Variants in NSL1 observed in about 807,000 individuals in gnomAD.
NSL1 encodes the protein NSL1 component of MIS12 kinetochore complex.
Under a neutral mutation model 25.4 loss-of-function variants are expected in NSL1, and 11 were observed. That is an observed-to-expected ratio of 0.43 (90% confidence interval 0.27 to 0.72). The LOEUF is 0.72. Ranked by LOEUF, NSL1 falls within the 30% of genes least tolerant of loss-of-function variation. The pLI, the probability that NSL1 is intolerant of heterozygous loss-of-function variation, is 0.19. For missense variants in NSL1, 330 were observed against 342.7 expected, an observed-to-expected ratio of 0.96 and a Z score of 0.29; for synonymous variants, 118 against 120.6, an observed-to-expected ratio of 0.98 and a Z score of 0.14.
intron 4 of NSL1, among the ~76,000 whole-genome samples, chr1:212,759,052 C>A (rs945974909): frequency 1.3e-5 from 2 of 152,060 alleles, no homozygotes; most frequent in East Asian, 3.8e-4. Context: ...GTGCTTAAAA[C>A]AACTGGATAT....
chr1:212,760,125 C>A lies in NSL1; in HGVS notation c.500-20524G>T, dbSNP rs930837721. ...CCAGGGCCTGGGGATTGACCTGCCC[C>A]GCCAGCTGCTTCTGGGGCACACACA... On this transcript the variant is annotated intron_variant, in intron 4 of 5. Transcript: ENST00000366977. This position sits in a 1 kb window ranked among gnomAD's most constrained non-coding sequence, Gnocchi z 4.3. Among the ~76,000 whole-genome samples the A allele has an allele frequency of 1.3e-5, 2 of 151,908 alleles. No homozygotes were observed. The highest frequency in any genetic ancestry group is 2.9e-5 in the Non-Finnish European group (2 of 67,972).
chr1:212,754,086 G>A (rs896981827), intron 4 of NSL1, among the ~76,000 whole-genome samples: 1 of 152,284 alleles, frequency 6.6e-6, no homozygotes, highest in Non-Finnish European at 1.5e-5. Flanking sequence ...AATGCTAAAA[G>A]TCTAGAGTTT....
chr1:212,732,622 C>T lies in NSL1; in HGVS notation c.*5786G>A, dbSNP rs1408316434. 1 of 985,272 alleles carries T rather than the reference C, an allele frequency of 1.0e-6. No homozygotes were observed. The highest frequency in any genetic ancestry group is 6.2e-5 in the Admixed American group (1 of 16,252). 61.0% of individuals were successfully genotyped at this position (985,272 alleles called of 1,614,324 possible). A position where few individuals can be genotyped will look rare whatever the true frequency, so the allele number is the denominator to read the frequency against. ...ATAGTCTTATTCCAACCTGGTCTGC[C>T]TAGTCTCCAAATCTGCTGATTAGTT... On this transcript the variant is annotated 3_prime_UTR_variant, in exon 6 of 6. Coordinates refer to ENST00000366977, the MANE Select transcript of NSL1 (RefSeq NM_015471.4).
Position 212,732,440 on chromosome 1 carries a change from G to A in NSL1, c.*5968C>T, listed in dbSNP as rs946159434. On this transcript the variant is annotated 3_prime_UTR_variant, in exon 6 of 6. Transcript: ENST00000366977. The stretch of plus-strand genomic sequence containing the variant: ...CGATTCTCCAGCCTCAGCCTCCTGA[G>A]TAGCTGGGATTACAGGCATGCGCCA... 6 of 382,446 alleles carry A rather than the reference G, an allele frequency of 1.6e-5. No homozygotes were observed. The highest frequency in any genetic ancestry group is 1.3e-4 in the African/African-American group (6 of 45,520). 23.7% of individuals were successfully genotyped at this position (382,446 alleles called of 1,614,324 possible). A position where few individuals can be genotyped will look rare whatever the true frequency, so the allele number is the denominator to read the frequency against.
chr1:212,785,090 G>A (rs1396716106), intron 2 of NSL1, among the ~76,000 whole-genome samples: 3 of 152,146 alleles, frequency 2.0e-5, no homozygotes, highest in Non-Finnish European at 4.4e-5. Context: ...GCTGTAAAGG[G>A]TATTTAATAT....
intron 4 of NSL1, among the ~76,000 whole-genome samples, chr1:212,778,474 A>G (rs918420866): frequency 6.6e-6 from 1 of 152,132 alleles, no homozygotes; most frequent in Non-Finnish European, 1.5e-5. Flanking sequence ...TACTGCTGCC[A>G]TCTCGGCTCA....
chr1:212,761,450 A>G lies in NSL1; in HGVS notation c.499+20922T>C, dbSNP rs137924383. Among the ~76,000 whole-genome samples, 563 of 152,224 alleles carry G rather than the reference A, an allele frequency of 3.7e-3. 2 individuals are homozygous for G. Among genetic ancestry groups the G allele is most frequent in the African/African-American group, 0.013 (541 of 41,540 alleles). ...AACCCAGGAGTTTGGGGCCAGCCTT[A>G]GCAACACGGCAAAACCTTGCCTTTA... On this transcript the variant is annotated intron_variant, in intron 4 of 5. Coordinates refer to ENST00000366977, the MANE Select transcript of NSL1 (RefSeq NM_015471.4).
intron 4 of NSL1, among the ~76,000 whole-genome samples, chr1:212,763,527 G>A (rs772700474): frequency 2.0e-5 from 3 of 152,158 alleles, no homozygotes; most frequent in Non-Finnish European, 2.9e-5. Flanking sequence ...AGTATCTGCT[G>A]TCATCAAGAG....
chr1:212,782,468 C>T, intron 3 of NSL1, 42 bp from the exon 4 acceptor site: 2 of 1,330,538 alleles, frequency 1.5e-6, no homozygotes, highest in Non-Finnish European at 2.2e-6. Context: ...TCACTTAATG[C>T]TTCATATAAA....
rs988001572 is a variant in NSL1 at position 212,732,730 on chromosome 1, T to G, written c.*5678A>C. ...TGGCTGCTGCTTTTTTGGTTTACCC[T>G]TTGGAATAGAGCACAGCCCCTGGTA... On this transcript the variant is annotated 3_prime_UTR_variant, in exon 6 of 6. Transcript: ENST00000366977. The G allele has an allele frequency of 3.5e-6, 3 of 868,988 alleles. No individual in the cohort carries two copies. The highest frequency in any genetic ancestry group is 3.6e-5 in the African/African-American group (2 of 54,944). 53.8% of individuals were successfully genotyped at this position (868,988 alleles called of 1,614,324 possible). A position where few individuals can be genotyped will look rare whatever the true frequency, so the allele number is the denominator to read the frequency against.
chr1:212,768,440 CAT>C (rs757794503), intron 4 of NSL1, among the ~76,000 whole-genome samples: 34 of 151,768 alleles, frequency 2.2e-4, no homozygotes, highest in East Asian at 1.7e-3. Context: ...CATGCACACA[CAT>C]GTTTATAACA....
rs58411510 is a variant in NSL1, at chr1:212,772,874, C to G, written c.499+9498G>C. On this transcript the variant is annotated intron_variant, in intron 4 of 5. Coordinates refer to ENST00000366977, the MANE Select transcript of NSL1 (RefSeq NM_015471.4). ...AAAGACATGGACCAGTGGAACAGAA[C>G]AGATGCATGGAAATCTAGGTATTTA... is the stretch of plus-strand genomic sequence containing the variant. Among the ~76,000 whole-genome samples, 782 of 152,142 alleles carry G rather than the reference C, an allele frequency of 5.1e-3. 5 individuals carry two copies. Among genetic ancestry groups the G allele is most frequent in the African/African-American group, 0.018 (745 of 41,498 alleles).
Position 212,791,582 on chromosome 1 carries a change from C to G in NSL1, c.182G>C (p.Gly61Ala), listed in dbSNP as rs549228717. Residue 61 changes from glycine to alanine, a missense_variant, in exon 1 of 6, where the codon GGG (glycine) becomes GCG (alanine). Transcript: ENST00000366977. ...CCGAATCTCCTCCGGCAGAGCGTCC[C>G]CGAGCTTTTGCACGAAGCGGCCGCA... ...QLCGRFVQKL[G>A]DALPEEIREP... 4 of 1,613,920 alleles carry G rather than the reference C, an allele frequency of 2.5e-6. No individual in the cohort carries two copies. The East Asian group carries it at 8.9e-5, about 36-fold the overall frequency.
chr1:212,766,519 C>A (rs941621765), intron 4 of NSL1, among the ~76,000 whole-genome samples: 1 of 151,674 alleles, frequency 6.6e-6, no homozygotes, highest in African/African-American at 2.4e-5. Context: ...GTGGCAGGCG[C>A]CTGTAGTCCC....
At chr1:212,743,433 GAT>G (rs1241572230) in intron 4 of NSL1, among the ~76,000 whole-genome samples, 1 of 150,568 alleles carries the variant, frequency 6.6e-6, no homozygotes, top group Non-Finnish European at 1.5e-5. Flanking sequence ...AAAGTGCTGG[GAT>G]TACAGCCATG....
At chr1:212,752,631 GACC>G (rs1341756944) in intron 4 of NSL1, among the ~76,000 whole-genome samples, 1 of 152,152 alleles carries the variant, frequency 6.6e-6, no homozygotes, top group Non-Finnish European at 1.5e-5. Context: ...TGTCAAATGA[GACC>G]ACATCTTATT....
chr1:212,740,612 G>GT (rs918900625), intron 4 of NSL1, among the ~76,000 whole-genome samples: 20 of 152,036 alleles, frequency 1.3e-4, no homozygotes, highest in African/African-American at 4.3e-4. Flanking sequence ...TAGACAGTAA[G>GT]TTCAGCATTC....
At chr1:212,739,269 CT>C (rs1658384344) in intron 5 of NSL1, among the ~76,000 whole-genome samples, 1 of 152,196 alleles carries the variant, frequency 6.6e-6, no homozygotes, top group Admixed American at 6.5e-5. Flanking sequence ...TTATCCAAAA[CT>C]GTTCGGTGAA....
At chr1:212,744,850 A>C (rs550631627) in intron 4 of NSL1, among the ~76,000 whole-genome samples, 25 of 152,308 alleles carry the variant, frequency 1.6e-4, no homozygotes, top group African/African-American at 5.8e-4. Flanking sequence ...CAATATATGC[A>C]TAACAAGGCC....
Sources: allele counts gnomAD v4.1 joint callset (sites outside exome capture counted in the v4.1 genomes callset), GRCh38; gene constraint gnomAD v4.1.1; non-coding constraint Gnocchi (gnomAD v3.1); transcripts MANE v1.5; gene names NCBI Gene and HGNC (gene_info 2026-07-23, HGNC 2026-07-21).